Variants in ALK observed in about 807,000 individuals in gnomAD.
ALK encodes ALK tyrosine kinase receptor.
In ALK, 74 loss-of-function variants were observed where a neutral mutation model predicts 163.1. The observed-to-expected ratio is 0.45, with a 90% CI of 0.38 to 0.55. The LOEUF (loss-of-function observed/expected upper bound fraction) is 0.55, where lower values mean the gene tolerates loss of function less well. ALK is among the 20% of genes least tolerant of loss of function. ALK has a pLI of 0.00. For missense variants in ALK, 2,063 were observed against 2,105.3 expected, an observed-to-expected ratio of 0.98 and a Z score of 0.39; for synonymous variants, 960 against 843.2, an observed-to-expected ratio of 1.14 and a Z score of -2.40.
At chr2:29,236,999 G>A (rs796415321) in intron 13 of ALK, among the ~76,000 whole-genome samples, 4 of 152,230 alleles carry the variant, frequency 2.6e-5, no homozygotes, top group African/African-American at 9.6e-5. Context: ...CCCCAGATTT[G>A]CTCCTTCCAC....
chr2:29,582,530 C>T (rs1459544303), intron 3 of ALK, among the ~76,000 whole-genome samples: 2 of 152,184 alleles, frequency 1.3e-5, no homozygotes, highest in African/African-American at 4.8e-5. Context: ...TGTCTTACGC[C>T]TGCTAGGCTT....
At chr2:29,725,363 C>A (rs987157504) in intron 1 of ALK, among the ~76,000 whole-genome samples, 1 of 152,092 alleles carries the variant, frequency 6.6e-6, no homozygotes, top group African/African-American at 2.4e-5. Flanking sequence ...TTCTCCACCC[C>A]CTGCTTTCCT....
At chr2:29,201,411 C>T (rs1163101508) in intron 26 of ALK, among the ~76,000 whole-genome samples, 1 of 152,156 alleles carries the variant, frequency 6.6e-6, no homozygotes, top group Non-Finnish European at 1.5e-5. Context: ...AGCCCAAAAC[C>T]CAGGAGTCAT....
At chr2:29,686,425 G>T (rs957209939) in intron 3 of ALK, among the ~76,000 whole-genome samples, 1 of 152,196 alleles carries the variant, frequency 6.6e-6, no homozygotes, top group South Asian at 2.1e-4. Flanking sequence ...GGCTGGTAGA[G>T]ATTTCTGTGC....
chr2:29,678,785 ACTTT>A (rs1319759097), intron 3 of ALK, among the ~76,000 whole-genome samples: 34 of 151,614 alleles, frequency 2.2e-4, no homozygotes, highest in Non-Finnish European at 1.9e-4. Context: ...TAAATTAATG[ACTTT>A]CTTTATGGCC....
intron 3 of ALK, among the ~76,000 whole-genome samples, chr2:29,670,151 T>C (rs531860048): frequency 1.3e-5 from 2 of 152,258 alleles, no homozygotes; most frequent in South Asian, 4.1e-4. Flanking sequence ...TTAGTGTTTA[T>C]TTTTGTTTCA....
intron 1 of ALK, among the ~76,000 whole-genome samples, chr2:29,834,275 T>C (rs1419952590): frequency 6.6e-6 from 1 of 152,226 alleles, no homozygotes; most frequent in Admixed American, 6.5e-5. Context: ...ATTGTCTACA[T>C]GGTACTCACC....
intron 4 of ALK, among the ~76,000 whole-genome samples, chr2:29,396,836 G>GTTTTTT (rs10654058): frequency 0.023 from 1,093 of 46,564 alleles, 286 homozygotes; most frequent in African/African-American, 0.097. Context: ...TGTTACTATG[G>GTTTTTT]TTTTTTTTTT....
chr2:29,733,370 G>A (rs941470170), intron 1 of ALK, among the ~76,000 whole-genome samples: 5 of 152,200 alleles, frequency 3.3e-5, no homozygotes, highest in Non-Finnish European at 7.3e-5. Context: ...GGGAAAAGGA[G>A]GCCAGATGGG....
intron 3 of ALK, among the ~76,000 whole-genome samples, chr2:29,532,825 T>G (rs549604533): frequency 6.6e-6 from 1 of 152,236 alleles, no homozygotes; most frequent in Non-Finnish European, 1.5e-5. Flanking sequence ...TGCTCACTTC[T>G]GCTTTGAAGT....
At chr2:29,229,768 C>T (rs777181648) in intron 15 of ALK, among the ~76,000 whole-genome samples, 21 of 152,178 alleles carry the variant, frequency 1.4e-4, no homozygotes, top group Non-Finnish European at 1.9e-4. Flanking sequence ...AGAACACACG[C>T]GTGCAGACAG....
At chr2:29,525,659 G>T (rs533688599) in intron 4 of ALK, among the ~76,000 whole-genome samples, 232 of 151,890 alleles carry the variant, frequency 1.5e-3, no homozygotes, top group Non-Finnish European at 2.5e-3. Context: ...GTGTGGTGGT[G>T]GGGGCCTGTA....
chr2:29,282,127 A>G (rs11127212), intron 9 of ALK, among the ~76,000 whole-genome samples: 16,524 of 152,086 alleles, frequency 0.11, 950 homozygotes, highest in African/African-American at 0.14. Context: ...GGCTCGGAAG[A>G]AGGGAGTGTC....
chr2:29,290,316 G>C (rs111535906), intron 9 of ALK, among the ~76,000 whole-genome samples: 1 of 152,328 alleles, frequency 6.6e-6, no homozygotes, highest in African/African-American at 2.4e-5. Context: ...ACCCTGGAAG[G>C]GGGCACAGGG....
chr2:29,670,485 TACC>T (rs1677647592), intron 3 of ALK, among the ~76,000 whole-genome samples: 1 of 152,070 alleles, frequency 6.6e-6, no homozygotes, highest in African/African-American at 2.4e-5. Flanking sequence ...GGTTATTATA[TACC>T]TTGGTGTGGT....
intron 13 of ALK, among the ~76,000 whole-genome samples, chr2:29,235,353 A>G (rs1664344618): frequency 6.6e-6 from 1 of 152,214 alleles, no homozygotes; most frequent in African/African-American, 2.4e-5. Context: ...TAAAGCGCTC[A>G]GGGGTGCCGG....
chr2:29,913,249 T>G (rs1335954173), intron 1 of ALK, among the ~76,000 whole-genome samples: 2 of 152,164 alleles, frequency 1.3e-5, no homozygotes, highest in African/African-American at 4.8e-5. Context: ...TCTGATAGAA[T>G]TTCCCTGGGA....
At chr2:29,804,973 A>G (rs2148367423) in intron 1 of ALK, among the ~76,000 whole-genome samples, 1 of 152,240 alleles carries the variant, frequency 6.6e-6, no homozygotes, top group East Asian at 1.9e-4. Context: ...CTGAGGAGTA[A>G]TGGTGCAGAG....
intron 1 of ALK, among the ~76,000 whole-genome samples, chr2:29,787,071 A>G (rs1281943469): frequency 6.6e-6 from 1 of 152,132 alleles, no homozygotes; most frequent in East Asian, 1.9e-4. Context: ...CTGGGATTAC[A>G]GGCATGAGCC....
Sources: allele counts gnomAD v4.1 joint callset (sites outside exome capture counted in the v4.1 genomes callset), GRCh38; gene constraint gnomAD v4.1.1; transcripts MANE v1.5; gene names NCBI Gene and HGNC (gene_info 2026-07-23, HGNC 2026-07-21).